Variants in BMPER observed in about 807,000 individuals in gnomAD.
BMPER encodes BMP binding endothelial regulator.
A neutral mutation model predicts 87.3 loss-of-function variants in BMPER; 45 were observed. That is an observed-to-expected ratio of 0.52 (90% CI 0.41 to 0.66). The LOEUF is 0.66. Ranked by LOEUF, BMPER falls within the 30% of genes least tolerant of loss-of-function variation. The pLI, the probability that BMPER is intolerant of heterozygous loss-of-function variation, is 0.00. For missense variants in BMPER, 784 were observed against 867.5 expected, an observed-to-expected ratio of 0.90 and a Z score of 1.21; for synonymous variants, 326 against 316.2, an observed-to-expected ratio of 1.03 and a Z score of -0.33.
chr7:33,940,144 T>C (rs949211974), intron 3 of BMPER: 2 of 162,152 alleles, frequency 1.2e-5, no homozygotes, highest in African/African-American at 2.4e-5. Context: ...GCAATTGCTA[T>C]CGTTTGATAT....
At chr7:34,068,820 C>T (rs999902019) in intron 11 of BMPER, among the ~76,000 whole-genome samples, 1 of 152,092 alleles carries the variant, frequency 6.6e-6, no homozygotes, top group African/African-American at 2.4e-5. Flanking sequence ...AGTGAAGGGA[C>T]CTTAATATGA....
At chr7:34,089,704 G>T (rs376456762) in intron 13 of BMPER, among the ~76,000 whole-genome samples, 1 of 151,996 alleles carries the variant, frequency 6.6e-6, no homozygotes, top group Non-Finnish European at 1.5e-5. Context: ...GGCTGATCTC[G>T]AATTCCTGAC....
intron 6 of BMPER, among the ~76,000 whole-genome samples, chr7:34,008,308 T>C (rs1291103896): frequency 6.6e-6 from 1 of 152,052 alleles, no homozygotes; most frequent in Non-Finnish European, 1.5e-5. Context: ...ATGTGTGACA[T>C]TTCTCAATTT....
At chr7:34,050,755 A>G (rs1788127450) in intron 7 of BMPER, among the ~76,000 whole-genome samples, 1 of 152,226 alleles carries the variant, frequency 6.6e-6, no homozygotes, top group African/African-American at 2.4e-5. Flanking sequence ...ATTAAAAGAA[A>G]GGAGGAAATT....
chr7:34,052,735 C>T (rs1253550646), intron 8 of BMPER, among the ~76,000 whole-genome samples: 1 of 151,692 alleles, frequency 6.6e-6, no homozygotes, highest in Non-Finnish European at 1.5e-5. Context: ...GAGCTCTACT[C>T]AATATCAGCT....
At chr7:33,974,920 C>T (rs982053423) in intron 6 of BMPER, 136 bp downstream of exon 6, 31 of 887,012 alleles carry the variant, frequency 3.5e-5, no homozygotes, top group Admixed American at 9.7e-5. Context: ...TGATGTGGAG[C>T]CGAGGGAAAA....
rs70997564 is a variant in BMPER, at chr7:34,065,203, A to ACTCTCTCTCTCTCTCTCTCTCTCT, written c.1078+3178_1078+3201dup. Among the ~76,000 whole-genome samples, 41 of 97,334 alleles carry ACTCTCTCTCTCTCTCTCTCTCTCT rather than the reference A, an allele frequency of 4.2e-4. 1 individual carries two copies. The highest frequency in any genetic ancestry group is 5.0e-4 in the Non-Finnish European group (26 of 52,138). The allele number at this position is 97,334 out of a possible 152,430, so 63.9% of individuals were successfully genotyped here. A position where few individuals can be genotyped will look rare whatever the true frequency, so the allele number is the denominator to read the frequency against. On this transcript the variant is annotated intron_variant, in intron 11 of 14. Coordinates refer to ENST00000649409, the MANE Select transcript of BMPER (RefSeq NM_001365308.1). ...CGGACACACACACACATACACACTCACTCTCTCTCTCTCTCTCTCTCTCTC... is the reference window on the plus strand; with the variant it reads ...CGGACACACACACACATACACACTCACTCTCTCTCTCTCTCTCTCTCTCTCTCTCTCTCTCTCTCTCTCTCTCTC...
chr7:34,141,346 A>T (rs560389241), intron 13 of BMPER, among the ~76,000 whole-genome samples: 1 of 152,304 alleles, frequency 6.6e-6, no homozygotes, highest in Admixed American at 6.5e-5. Flanking sequence ...ACAGTGGCTC[A>T]TGCTTGTAAC....
chr7:33,977,557 A>G (rs1263560919), intron 6 of BMPER, among the ~76,000 whole-genome samples: 2 of 152,202 alleles, frequency 1.3e-5, no homozygotes, highest in African/African-American at 4.8e-5. Context: ...GGAGGCTACC[A>G]GAGGGGTGTT....
At chr7:33,944,192 G>A (rs1157587877) in intron 3 of BMPER, among the ~76,000 whole-genome samples, 2 of 151,798 alleles carry the variant, frequency 1.3e-5, no homozygotes, top group African/African-American at 4.8e-5. Context: ...ATTGAGACAG[G>A]TCTCGCTCTG....
intron 6 of BMPER, among the ~76,000 whole-genome samples, chr7:33,993,578 C>G (rs995535166): frequency 1.3e-5 from 2 of 151,908 alleles, no homozygotes; most frequent in Non-Finnish European, 2.9e-5. Context: ...CCTCCCGTAG[C>G]TCAGAGTAAT....
intron 3 of BMPER, among the ~76,000 whole-genome samples, chr7:33,952,454 A>G (rs1240112695): frequency 2.0e-5 from 3 of 152,242 alleles, no homozygotes; most frequent in Non-Finnish European, 4.4e-5. Flanking sequence ...ATGGAGGGCC[A>G]TAAAGCTGAG....
At chr7:34,002,778 A>G (rs1040039838) in intron 6 of BMPER, among the ~76,000 whole-genome samples, 2 of 151,622 alleles carry the variant, frequency 1.3e-5, no homozygotes, top group African/African-American at 4.8e-5. Flanking sequence ...TGTCTCTAGC[A>G]ACAATTTTTG....
At chr7:34,117,797 G>C (rs1159325137) in intron 13 of BMPER, among the ~76,000 whole-genome samples, 1 of 152,194 alleles carries the variant, frequency 6.6e-6, no homozygotes, top group African/African-American at 2.4e-5. Flanking sequence ...AGAGGTTGCT[G>C]TTAGGCCAGT....
intron 13 of BMPER, among the ~76,000 whole-genome samples, chr7:34,138,978 A>C (rs192600299): frequency 6.6e-6 from 1 of 152,376 alleles, no homozygotes; most frequent in East Asian, 1.9e-4. Context: ...ACTGATTAAG[A>C]AAAGGACAAC....
intron 6 of BMPER, among the ~76,000 whole-genome samples, chr7:34,028,545 A>G (rs1430829231): frequency 7.1e-6 from 1 of 140,382 alleles, no homozygotes; most frequent in Non-Finnish European, 1.5e-5. Context: ...TTCATATGTG[A>G]TGGCATCAAC....
chr7:34,053,277 T>G (rs1372981708), intron 8 of BMPER, among the ~76,000 whole-genome samples: 1 of 152,174 alleles, frequency 6.6e-6, no homozygotes. Flanking sequence ...GCTTGAAAAA[T>G]CAAGCTGCAA....
At chr7:33,933,759 C>A (rs1784536263) in intron 2 of BMPER, among the ~76,000 whole-genome samples, 1 of 152,118 alleles carries the variant, frequency 6.6e-6, no homozygotes, top group African/African-American at 2.4e-5. Flanking sequence ...CACCAATCTC[C>A]CCTGGGGCCT....
At chr7:33,942,813 T>G (rs1159831098) in intron 3 of BMPER, among the ~76,000 whole-genome samples, 1 of 152,140 alleles carries the variant, frequency 6.6e-6, no homozygotes. Flanking sequence ...TGAAAATCAG[T>G]AGAATGATTA....
Sources: gnomAD v4.1 joint callset for allele counts (sites outside exome capture counted in the v4.1 genomes callset) on GRCh38, gnomAD v4.1.1 for gene constraint, MANE v1.5 for transcripts, NCBI Gene and HGNC (gene_info 2026-07-23, HGNC 2026-07-21) for gene names.